Variants in OSMR observed in about 807,000 individuals in gnomAD.
The protein encoded by OSMR is oncostatin-M-specific receptor subunit beta.
A neutral mutation model predicts 99.9 loss-of-function variants in OSMR; 81 were observed. That is an observed-to-expected ratio of 0.81 (90% CI 0.68 to 0.97). OSMR has a LOEUF of 0.97. OSMR is among the 50% of genes least tolerant of loss of function. The pLI is 0.00. For synonymous variants in OSMR, 406 were observed against 410.4 expected (o/e 0.99, Z 0.13); for missense variants, 1,099 against 1,153.4 (o/e 0.95, Z 0.68).
At chr5:38,879,441 G>A (rs995849172) in intron 3 of OSMR, among the ~76,000 whole-genome samples, 3 of 152,216 alleles carry the variant, frequency 2.0e-5, no homozygotes, top group Admixed American at 2.0e-4. Context: ...ATGTGTGGCC[G>A]CTAGGAAGCG....
chr5:38,924,657 A>C, intron 14 of OSMR, 62 bp downstream of exon 14: 6 of 1,315,372 alleles, frequency 4.6e-6, no homozygotes, highest in Non-Finnish European at 6.6e-6. Context: ...GAAATCATTT[A>C]AAATAATGGC....
chr5:38,865,350 A>C (rs1741856456), intron 1 of OSMR, among the ~76,000 whole-genome samples: 1 of 152,166 alleles, frequency 6.6e-6, no homozygotes, highest in Non-Finnish European at 1.5e-5. Flanking sequence ...GCATCTGGTG[A>C]AAGAGTTGCT....
chr5:38,888,759 T>C (rs963847413), intron 7 of OSMR, among the ~76,000 whole-genome samples: 25 of 152,342 alleles, frequency 1.6e-4, no homozygotes, highest in Admixed American at 3.3e-4. Flanking sequence ...CACAAGTATA[T>C]ATGTTTAATG....
chr5:38,931,398 G>C (rs1480607967), intron 15 of OSMR, among the ~76,000 whole-genome samples: 5 of 152,190 alleles, frequency 3.3e-5, no homozygotes, highest in Admixed American at 3.3e-4. Flanking sequence ...GGCTAAGGCT[G>C]AAGTCGCAGC....
intron 1 of OSMR, among the ~76,000 whole-genome samples, chr5:38,862,010 C>T (rs1413609022): frequency 2.4e-5 from 3 of 124,290 alleles, no homozygotes; most frequent in Non-Finnish European, 3.5e-5. Flanking sequence ...GGCGGCTGGC[C>T]GGGCAGAGGG....
chr5:38,889,990 T>A (rs1245563054), intron 7 of OSMR, among the ~76,000 whole-genome samples: 1 of 152,264 alleles, frequency 6.6e-6, no homozygotes, highest in Non-Finnish European at 1.5e-5. Flanking sequence ...AACATTGCAG[T>A]GCTTTCGTTA....
At chr5:38,920,407 G>T (rs1488885020) in intron 11 of OSMR, among the ~76,000 whole-genome samples, 1 of 152,212 alleles carries the variant, frequency 6.6e-6, no homozygotes, top group Admixed American at 6.5e-5. Context: ...TAAAGAAACA[G>T]CTTTCTAAGA....
At position 38,879,415 on chromosome 5, in the gene OSMR, G is replaced by T. The variant is rs149505633; in HGVS notation, c.247-2178G>T. ...ATAGCCGCACAGCGGAATGTGGTGGGGAACTGGGGCAAGGGATGTGTGGCC... is the reference window on the plus strand; with the variant it reads ...ATAGCCGCACAGCGGAATGTGGTGGTGAACTGGGGCAAGGGATGTGTGGCC... On this transcript the variant is annotated intron_variant, in intron 3 of 17. Transcript: ENST00000274276. 6.7e-4 allele frequency among the ~76,000 whole-genome samples: 102 copies of T among 152,352 alleles called. 1 individual carries two copies. In the East Asian group the frequency reaches 0.018, roughly 27 times the overall value.
chr5:38,862,418 G>GT (rs1741499264), intron 1 of OSMR, among the ~76,000 whole-genome samples: 1 of 138,404 alleles, frequency 7.2e-6, no homozygotes, highest in East Asian at 2.3e-4. Flanking sequence ...CCGGGCGGGG[G>GT]CTGACCCCCC....
At chr5:38,859,995 A>C (rs185513784) in intron 1 of OSMR, among the ~76,000 whole-genome samples, 1 of 152,268 alleles carries the variant, frequency 6.6e-6, no homozygotes, top group Admixed American at 6.5e-5. Flanking sequence ...CTAGGTTTTT[A>C]TATATACAAG....
chr5:38,914,557 A>C (rs1745791200), intron 9 of OSMR, among the ~76,000 whole-genome samples: 1 of 152,266 alleles, frequency 6.6e-6, no homozygotes, highest in Non-Finnish European at 1.5e-5. Flanking sequence ...GCATATGTTC[A>C]TCACAGCACT....
intron 9 of OSMR, among the ~76,000 whole-genome samples, chr5:38,910,482 TAAAAG>T (rs1482830809): frequency 6.6e-6 from 1 of 151,966 alleles, no homozygotes; most frequent in Non-Finnish European, 1.5e-5. Context: ...CTCAGCAAAT[TAAAAG>T]AAAACCCGAA....
At chr5:38,936,908 C>A (rs535082721), downstream of OSMR, among the ~76,000 whole-genome samples, 3 of 152,252 alleles carry the variant, frequency 2.0e-5, no homozygotes, top group East Asian at 3.9e-4. Context: ...GAAGTAGTAC[C>A]GTATTTTTGA....
chr5:38,880,462 G>C (rs922227854), intron 3 of OSMR, among the ~76,000 whole-genome samples: 3 of 152,126 alleles, frequency 2.0e-5, no homozygotes, highest in Non-Finnish European at 2.9e-5. Flanking sequence ...CGTGGTTCCT[G>C]CTCCCTCGGG....
chr5:38,872,342 A>T (rs1465131603), intron 2 of OSMR, among the ~76,000 whole-genome samples: 1 of 152,216 alleles, frequency 6.6e-6, no homozygotes, highest in African/African-American at 2.4e-5. Context: ...GTTTAGACTG[A>T]TAGTTGACTC....
intron 7 of OSMR, among the ~76,000 whole-genome samples, chr5:38,903,200 C>T (rs899777353): frequency 5.3e-5 from 8 of 152,182 alleles, no homozygotes; most frequent in Admixed American, 2.0e-4. Flanking sequence ...CAACAAGTTA[C>T]GTGAAATGGA....
chr5:38,905,843 C>A (rs185756452), intron 9 of OSMR, among the ~76,000 whole-genome samples: 68 of 152,204 alleles, frequency 4.5e-4, no homozygotes, highest in African/African-American at 1.2e-3. Context: ...TTTTATTATT[C>A]TTCTTATTTG....
chr5:38,856,984 T>C lies in OSMR; in HGVS notation c.-14+10597T>C, dbSNP rs148778071. 3.7e-3 allele frequency among the ~76,000 whole-genome samples: 568 copies of C among 152,322 alleles called. 2 individuals carry two copies. The highest frequency in any genetic ancestry group is 0.013 in the African/African-American group (551 of 41,574). ...ATGATTCTCAAAGGCTCTTCTTTGG[T>C]ACCCAAACCATAGAAATACATCTTT... On this transcript the variant is annotated intron_variant, in intron 1 of 17. Coordinates refer to ENST00000274276, the MANE Select transcript of OSMR (RefSeq NM_003999.3).
chr5:38,936,001 C>T (rs570735827), downstream of OSMR, among the ~76,000 whole-genome samples: 2 of 152,288 alleles, frequency 1.3e-5, no homozygotes, highest in East Asian at 1.9e-4. Flanking sequence ...AATAAATTCA[C>T]GTTCAAAACC....
Sources: gnomAD v4.1 joint callset for allele counts (sites outside exome capture counted in the v4.1 genomes callset) on GRCh38, gnomAD v4.1.1 for gene constraint, MANE v1.5 for transcripts, NCBI Gene and HGNC (gene_info 2026-07-23, HGNC 2026-07-21) for gene names.